PIK3C2A: variants seen among roughly 807,000 people sequenced by gnomAD.
PIK3C2A encodes the protein phosphatidylinositol-4-phosphate 3-kinase catalytic subunit type 2 alpha, also known as phosphatidylinositol 4-phosphate 3-kinase C2 domain-containing subunit alpha.
Under a neutral mutation model 204.5 loss-of-function variants are expected in PIK3C2A, and 97 were observed. The observed-to-expected ratio is 0.47, with a 90% CI of 0.40 to 0.56. The LOEUF is 0.56. PIK3C2A is among the 20% of genes least tolerant of loss of function. The pLI is 0.00. For missense variants in PIK3C2A, 1,735 were observed against 1,969.2 expected (o/e 0.88, Z 2.25); for synonymous variants, 653 against 664.4 (o/e 0.98, Z 0.26).
chr11:17,102,469 CA>C (rs551936764), intron 24 of PIK3C2A, among the ~76,000 whole-genome samples, 192 bp downstream of exon 24: 23 of 152,242 alleles, frequency 1.5e-4, no homozygotes, highest in Non-Finnish European at 3.2e-4. Context: ...ACAACAACAA[CA>C]ACAACAAAAC....
rs1017783837 is a variant in PIK3C2A at position 17,148,843 on chromosome 11, G to A, written c.1328-56C>T. 2.8e-5 allele frequency: 40 copies of A among 1,415,214 alleles called. No individual in the cohort carries two copies. The African/African-American group carries it at 4.9e-4, about 17-fold the overall frequency. The allele number at this position is 1,415,214 out of a possible 1,614,324, so 87.7% of individuals were successfully genotyped here. The stretch of plus-strand genomic sequence containing the variant: ...TGCTCATTTATATTTATTCAAGACT[G>A]TATTACTTATAATTTAAGACAGCAG... On this transcript the variant is annotated intron_variant, in intron 4 of 32. Transcript: ENST00000691414.
chr11:17,130,563 G>A (rs1238349915), intron 12 of PIK3C2A, among the ~76,000 whole-genome samples: 1 of 152,070 alleles, frequency 6.6e-6, no homozygotes, highest in Non-Finnish European at 1.5e-5. Context: ...CCAGCACTTT[G>A]GGAGGCCAAG....
chr11:17,180,561 C>T (rs1268048218), intron 1 of PIK3C2A, among the ~76,000 whole-genome samples: 1 of 151,844 alleles, frequency 6.6e-6, no homozygotes, highest in Non-Finnish European at 1.5e-5. Flanking sequence ...GTGGCTCACA[C>T]CTGTAATCCC....
chr11:17,103,895 A>G (rs376517602), intron 23 of PIK3C2A, among the ~76,000 whole-genome samples: 1 of 152,210 alleles, frequency 6.6e-6, no homozygotes, highest in South Asian at 2.1e-4. Flanking sequence ...CAGGAATCAC[A>G]AAAGGGCCAA....
intron 2 of PIK3C2A, among the ~76,000 whole-genome samples, chr11:17,156,513 G>C (rs1300912508): frequency 6.6e-6 from 1 of 152,060 alleles, no homozygotes; most frequent in Non-Finnish European, 1.5e-5. Flanking sequence ...CTCCCAAGTA[G>C]CTGGGACTAC....
chr11:17,101,797 G>GT (rs1848634788), intron 24 of PIK3C2A, among the ~76,000 whole-genome samples: 1 of 151,452 alleles, frequency 6.6e-6, no homozygotes, highest in Non-Finnish European at 1.5e-5. Flanking sequence ...TAGAGGCGGG[G>GT]TTTCACCGTG....
chr11:17,178,169 A>G (rs1205806851), intron 1 of PIK3C2A, among the ~76,000 whole-genome samples: 1 of 152,062 alleles, frequency 6.6e-6, no homozygotes, highest in Non-Finnish European at 1.5e-5. Flanking sequence ...TACATTAATG[A>G]AAAAAGACAT....
chr11:17,195,351 T>C (rs1230323996), intron 1 of PIK3C2A, among the ~76,000 whole-genome samples: 2 of 151,776 alleles, frequency 1.3e-5, no homozygotes, highest in African/African-American at 4.8e-5. Context: ...AGGCAGAGGT[T>C]GCAGTGAGCC....
At chr11:17,095,297 C>G (rs1228315979) in intron 27 of PIK3C2A, among the ~76,000 whole-genome samples, 1 of 150,874 alleles carries the variant, frequency 6.6e-6, no homozygotes, top group Non-Finnish European at 1.5e-5. Flanking sequence ...TCCAGGCAGC[C>G]GGGCGCAGTG....
intron 11 of PIK3C2A, among the ~76,000 whole-genome samples, chr11:17,134,581 G>A (rs1433856473): frequency 4.6e-5 from 7 of 152,156 alleles, no homozygotes; most frequent in South Asian, 2.1e-4. Flanking sequence ...GGCTGGTCTC[G>A]AACTCCTGAC....
Position 17,185,785 on chromosome 11 carries a change from T to C in PIK3C2A, c.-65-15979A>G, listed in dbSNP as rs117230869. On this transcript the variant is annotated intron_variant, in intron 1 of 32. Transcript: ENST00000691414. Reference sequence around the variant, plus strand: ...GTTCTCAATACCATCCTAGACCAATTAATCATCATCTCTTGTTCTTTCCTG... The same window carrying C: ...GTTCTCAATACCATCCTAGACCAATCAATCATCATCTCTTGTTCTTTCCTG... Among the ~76,000 whole-genome samples the C allele has an allele frequency of 6.0e-4, 92 of 152,290 alleles. 1 individual carries two copies. In the East Asian group the frequency reaches 0.016, roughly 27 times the overall value.
chr11:17,124,690 G>A (rs984592742), intron 13 of PIK3C2A, among the ~76,000 whole-genome samples: 9 of 152,136 alleles, frequency 5.9e-5, no homozygotes, highest in African/African-American at 1.4e-4. Flanking sequence ...TACTGTCTAC[G>A]ACTGCTTTTG....
chr11:17,116,370 T>G (rs547843347), intron 19 of PIK3C2A, among the ~76,000 whole-genome samples: 1 of 152,118 alleles, frequency 6.6e-6, no homozygotes, highest in Admixed American at 6.5e-5. Context: ...AGAATGGCCA[T>G]AATCAAAAAA....
rs1396314129 is a variant in PIK3C2A at position 17,099,853 on chromosome 11, G to A, written c.4118+7C>T. 8.4e-7 allele frequency: 1 copy of A among 1,186,170 alleles called. No individual in the cohort carries two copies. The highest frequency in any genetic ancestry group is 1.3e-6 in the Non-Finnish European group (1 of 793,012). 73.5% of individuals were successfully genotyped at this position (1,186,170 alleles called of 1,614,324 possible). A position where few individuals can be genotyped will look rare whatever the true frequency, so the allele number is the denominator to read the frequency against. Reference sequence around the variant, plus strand: ...TTCCTTCTGCAATATACTTAAATATGCTTTACCTAGTAAAGAAAATTGTAG... The same window carrying A: ...TTCCTTCTGCAATATACTTAAATATACTTTACCTAGTAAAGAAAATTGTAG... On this transcript the variant is annotated splice_region_variant and intron_variant, in intron 26 of 32. Coordinates refer to ENST00000691414, the MANE Select transcript of PIK3C2A (RefSeq NM_002645.4).
chr11:17,096,988 A>G, intron 27 of PIK3C2A, 69 bp downstream of exon 27: 5 of 899,830 alleles, frequency 5.6e-6, no homozygotes, highest in Non-Finnish European at 9.0e-6. Flanking sequence ...TAGCAGAATC[A>G]GCAAAGGAAG....
intron 1 of PIK3C2A, among the ~76,000 whole-genome samples, chr11:17,199,796 A>G (rs1852301583): frequency 1.3e-5 from 2 of 151,526 alleles, no homozygotes; most frequent in South Asian, 4.2e-4. Flanking sequence ...GTGGTGGTAC[A>G]TGCCTGTAGT....
chr11:17,163,908 TAA>T (rs35154954), intron 2 of PIK3C2A, among the ~76,000 whole-genome samples: 1 of 142,620 alleles, frequency 7.0e-6, no homozygotes. Flanking sequence ...TACAAAACCT[TAA>T]AAAAAAAAAA....
At chr11:17,127,416 C>A (rs962661356) in intron 13 of PIK3C2A, among the ~76,000 whole-genome samples, 6 of 152,038 alleles carry the variant, frequency 3.9e-5, no homozygotes, top group Non-Finnish European at 1.5e-5. Flanking sequence ...TCAAGCAATT[C>A]TCTTGCCTCA....
chr11:17,182,988 C>T (rs148232047), intron 1 of PIK3C2A, among the ~76,000 whole-genome samples: 173 of 152,248 alleles, frequency 1.1e-3, no homozygotes, highest in African/African-American at 4.0e-3. Flanking sequence ...TACAGGTATG[C>T]ATCACTATAC....
Sources: gnomAD v4.1 joint callset for allele counts (sites outside exome capture counted in the v4.1 genomes callset) on GRCh38, gnomAD v4.1.1 for gene constraint, MANE v1.5 for transcripts, NCBI Gene and HGNC (gene_info 2026-07-23, HGNC 2026-07-21) for gene names.